Variants in MORF4L1 observed in about 807,000 individuals in gnomAD.
MORF4L1 encodes the protein mortality factor 4 like 1.
A neutral mutation model predicts 52.9 loss-of-function variants in MORF4L1; 4 were observed. That is an observed-to-expected ratio of 0.08 (90% CI 0.04 to 0.17). The LOEUF is 0.17. Ranked by LOEUF, MORF4L1 falls within the 10% of genes least tolerant of loss-of-function variation. The pLI is 1.00. For missense variants in MORF4L1, 214 were observed against 390.4 expected (o/e 0.55, Z 3.81); for synonymous variants, 123 against 134.8 (o/e 0.91, Z 0.61).
In MORF4L1 at chr15:78,893,637, T is replaced by C. The variant is rs1475044130; in HGVS notation, c.629+10T>C. On this transcript the variant is annotated intron_variant, in intron 9 of 11. Coordinates refer to ENST00000426013, the MANE Select transcript of MORF4L1 (RefSeq NM_006791.4). ...GAAACACAGATAATAAGTAAGAATA[T>C]ACATTTTTCAGATGACACTCAAAAG... The C allele has an allele frequency of 3.3e-6, 5 of 1,528,142 alleles. No homozygotes were observed. Among genetic ancestry groups the C allele is most frequent in the Non-Finnish European group, 4.5e-6 (5 of 1,114,408 alleles). 94.7% of individuals were successfully genotyped at this position (1,528,142 alleles called of 1,614,324 possible).
Position 78,878,220 on chromosome 15 carries a change from A to G in MORF4L1, c.48A>G (p.Arg16=), listed in dbSNP as rs1263651056. 1 of 1,612,018 alleles carries G rather than the reference A, an allele frequency of 6.2e-7. No homozygotes were observed. Among genetic ancestry groups the G allele is most frequent in the African/African-American group, 1.3e-5 (1 of 74,842 alleles). Residue 16 remains arginine (R), a synonymous_variant, in exon 2 of 12, where the codon CGA becomes CGG. Coordinates refer to ENST00000426013, the MANE Select transcript of MORF4L1 (RefSeq NM_006791.4). ...CTTTTTCTCCCTTTACAGGTGAGCG[A>G]GTGCTGTGCTTTCATGGGCCTCTTC... ...DPKPKFQEGE[R]VLCFHGPLLY...
At chr15:78,891,150 T>A in intron 6 of MORF4L1, 136 bp downstream of exon 6, 2 of 1,098,524 alleles carry the variant, frequency 1.8e-6, no homozygotes, top group Non-Finnish European at 2.6e-6. Context: ...AGCAGTGTTA[T>A]AAAATAGGTA....
At chr15:78,879,066 A>G (rs2056550004) in intron 2 of MORF4L1, among the ~76,000 whole-genome samples, 1 of 152,000 alleles carries the variant, frequency 6.6e-6, no homozygotes, top group Admixed American at 6.6e-5. Flanking sequence ...AATACACAGA[A>G]GTGTATTTTT....
intron 1 of MORF4L1, chr15:78,873,274 G>T: frequency 6.9e-7 from 1 of 1,442,774 alleles, no homozygotes. Flanking sequence ...AGGCGTTAGA[G>T]TGGGAGAGAG....
rs1300953959 is a variant in MORF4L1 at position 78,897,833 on chromosome 15, C to T, written c.*766C>T. ...GTTTTTCAGGTGCGTGCTTTGTTTTCTGGTATGGCCTTTATGGAATGAGAC... is the reference window on the plus strand; with the variant it reads ...GTTTTTCAGGTGCGTGCTTTGTTTTTTGGTATGGCCTTTATGGAATGAGAC... On this transcript the variant is annotated 3_prime_UTR_variant, in exon 12 of 12. Coordinates refer to ENST00000426013, the MANE Select transcript of MORF4L1 (RefSeq NM_006791.4). 1 of 152,460 alleles carries T rather than the reference C, an allele frequency of 6.6e-6. No individual in the cohort carries two copies. Among genetic ancestry groups the T allele is most frequent in the East Asian group, 1.9e-4 (1 of 5,196 alleles). 9.4% of individuals were successfully genotyped at this position (152,460 alleles called of 1,614,324 possible). A position where few individuals can be genotyped will look rare whatever the true frequency, so the allele number is the denominator to read the frequency against.
intron 7 of MORF4L1, 188 bp downstream of exon 7, chr15:78,891,760 T>G: frequency 1.8e-6 from 1 of 542,398 alleles, no homozygotes; most frequent in Non-Finnish European, 3.3e-6. Context: ...GCTCCAGATT[T>G]ACCTACCCAA....
At chr15:78,878,366 C>G (rs2056534895) in intron 2 of MORF4L1, 107 bp downstream of exon 2, 10 of 883,744 alleles carry the variant, frequency 1.1e-5, no homozygotes, top group Non-Finnish European at 1.7e-5. Context: ...AGAGAGTTGC[C>G]TTTTTTAGGT....
At chr15:78,879,176 G>A (rs2056552389) in intron 2 of MORF4L1, among the ~76,000 whole-genome samples, 1 of 152,132 alleles carries the variant, frequency 6.6e-6, no homozygotes, top group Non-Finnish European at 1.5e-5. Context: ...TTCAAGGCCA[G>A]TTTGGGCAAC....
intron 1 of MORF4L1, chr15:78,873,303 C>T (rs867510861): frequency 3.2e-6 from 4 of 1,253,148 alleles, no homozygotes; most frequent in African/African-American, 1.5e-5. Context: ...GCGCGTGGCA[C>T]ACCCTCGTCA....
At chr15:78,886,061 C>T (rs999959265) in intron 3 of MORF4L1, 80 bp from the exon 4 acceptor site, 2 of 988,852 alleles carry the variant, frequency 2.0e-6, no homozygotes, top group Non-Finnish European at 3.2e-6. Flanking sequence ...AAGAGAAATC[C>T]AGTCTTGCCT....
intron 11 of MORF4L1, among the ~76,000 whole-genome samples, chr15:78,895,581 CAT>C (rs2056873511): frequency 6.6e-6 from 1 of 152,196 alleles, no homozygotes; most frequent in Non-Finnish European, 1.5e-5. Flanking sequence ...TCACTCTAAA[CAT>C]ACTGATAAAG....
At chr15:78,873,628 C>T (rs925710421) in intron 1 of MORF4L1, 4 of 160,776 alleles carry the variant, frequency 2.5e-5, no homozygotes, top group Non-Finnish European at 4.1e-5. Flanking sequence ...TCATGGCCGC[C>T]GGCGTCTCGG....
At chr15:78,887,452 T>G in intron 5 of MORF4L1, 103 bp downstream of exon 5, 1 of 968,724 alleles carries the variant, frequency 1.0e-6, no homozygotes, top group Non-Finnish European at 1.5e-6. Flanking sequence ...GGAACATTGT[T>G]GGAACCAGTA....
chr15:78,886,591 A>G (rs532406407), intron 4 of MORF4L1, among the ~76,000 whole-genome samples: 92 of 152,204 alleles, frequency 6.0e-4, no homozygotes, highest in Non-Finnish European at 1.1e-3. Context: ...CTCTGAAAGC[A>G]CGGGAAAAGG....
chr15:78,878,783 G>A (rs933482175), intron 2 of MORF4L1, among the ~76,000 whole-genome samples: 1 of 152,130 alleles, frequency 6.6e-6, no homozygotes, highest in African/African-American at 2.4e-5. Flanking sequence ...GTAAGCAGGA[G>A]AATGCATTCC....
intron 1 of MORF4L1, chr15:78,873,279 A>G (rs928975923): frequency 1.3e-5 from 18 of 1,426,720 alleles, no homozygotes; most frequent in Middle Eastern, 2.5e-4. Context: ...TTAGAGTGGG[A>G]GAGAGAGCGT....
intron 1 of MORF4L1, chr15:78,876,548 C>G (rs2056495674): frequency 2.2e-6 from 1 of 455,546 alleles, no homozygotes; most frequent in African/African-American, 2.0e-5. Flanking sequence ...TTTCAGTGCA[C>G]TTTTTTTTCC....
intron 1 of MORF4L1, among the ~76,000 whole-genome samples, chr15:78,874,238 G>A (rs371922855): frequency 2.4e-4 from 37 of 152,312 alleles, no homozygotes; most frequent in Non-Finnish European, 5.0e-4. Context: ...ATGTCTACAT[G>A]CGTACGATTT....
chr15:78,895,070 A>C (rs2056864101), intron 11 of MORF4L1, among the ~76,000 whole-genome samples, 166 bp downstream of exon 11: 1 of 152,200 alleles, frequency 6.6e-6, no homozygotes, highest in Admixed American at 6.5e-5. Flanking sequence ...CTCAGAAATG[A>C]TAGATGGTAT....
Sources: allele counts gnomAD v4.1 joint callset (sites outside exome capture counted in the v4.1 genomes callset), GRCh38; gene constraint gnomAD v4.1.1; transcripts MANE v1.5; gene names NCBI Gene and HGNC (gene_info 2026-07-23, HGNC 2026-07-21).